Variants in PITPNM3 observed in about 807,000 individuals in gnomAD.
PITPNM3 encodes PITPNM family member 3, also known as membrane-associated phosphatidylinositol transfer protein 3.
A neutral mutation model predicts 102.0 loss-of-function variants in PITPNM3; 26 were observed. The observed-to-expected ratio is 0.25, with a 90% CI of 0.19 to 0.35. The LOEUF is 0.35. Ranked by LOEUF, PITPNM3 falls within the 10% of genes least tolerant of loss-of-function variation. The probability of loss-of-function intolerance (pLI) is 1.00; values close to 1 mark genes in which losing one functional copy is unlikely to be tolerated. For missense variants in PITPNM3, 1,083 were observed against 1,346.1 expected, an observed-to-expected ratio of 0.80 and a Z score of 3.06; for synonymous variants, 578 against 558.6, an observed-to-expected ratio of 1.03 and a Z score of -0.49.
chr17:6,462,648 T>G (rs1904525014), intron 17 of PITPNM3, among the ~76,000 whole-genome samples: 1 of 152,186 alleles, frequency 6.6e-6, no homozygotes, highest in Non-Finnish European at 1.5e-5. Flanking sequence ...CTGCAAGATG[T>G]CAGGTAAGCC....
At chr17:6,500,506 C>T (rs1363637593) in intron 4 of PITPNM3, among the ~76,000 whole-genome samples, 1 of 152,134 alleles carries the variant, frequency 6.6e-6, no homozygotes, top group Non-Finnish European at 1.5e-5. Flanking sequence ...GGAGTCCTCT[C>T]AATTGAATGC....
chr17:6,484,086 G>A, intron 5 of PITPNM3, 130 bp downstream of exon 5: 1 of 1,066,630 alleles, frequency 9.4e-7, no homozygotes, highest in East Asian at 2.4e-5. Flanking sequence ...GAAGGACACA[G>A]ACCCACCCAG....
Position 6,556,472 on chromosome 17 carries a change from C to T in PITPNM3, c.-66G>A, listed in dbSNP as rs1910621675. ...CGCGCTTCCCGGGCCCGGCCCCGAC[C>T]GCCTCCGGCCCCGAACGGACTCCGA... On this transcript the variant is annotated 5_prime_UTR_variant, in exon 1 of 20. Coordinates refer to ENST00000262483, the MANE Select transcript of PITPNM3 (RefSeq NM_031220.4). The surrounding 1 kb of genome is among the most constrained non-coding windows in gnomAD (Gnocchi z 5.2). The T allele has an allele frequency of 9.1e-6, 10 of 1,093,054 alleles. No homozygotes were observed. The highest frequency in any genetic ancestry group is 1.1e-5 in the Non-Finnish European group (10 of 899,194). 67.7% of individuals were successfully genotyped at this position (1,093,054 alleles called of 1,614,324 possible). A position where few individuals can be genotyped will look rare whatever the true frequency, so the allele number is the denominator to read the frequency against.
At chr17:6,526,161 C>T (rs1908823010) in intron 2 of PITPNM3, among the ~76,000 whole-genome samples, 1 of 152,156 alleles carries the variant, frequency 6.6e-6, no homozygotes, top group African/African-American at 2.4e-5. Context: ...TCCCCTCAAC[C>T]CTGTCTCTAT....
intron 17 of PITPNM3, among the ~76,000 whole-genome samples, chr17:6,462,080 A>C (rs1904489390): frequency 6.6e-6 from 1 of 152,034 alleles, no homozygotes; most frequent in Non-Finnish European, 1.5e-5. Flanking sequence ...CAGATTACTC[A>C]ACCCTCCCCA....
At chr17:6,529,787 G>C (rs1909039648) in intron 2 of PITPNM3, among the ~76,000 whole-genome samples, 1 of 152,156 alleles carries the variant, frequency 6.6e-6, no homozygotes, top group Non-Finnish European at 1.5e-5. Flanking sequence ...CATTCACCTT[G>C]CACTGCCTAC....
rs1322316781 is a variant in PITPNM3, at chr17:6,472,571, C to G, written c.1429+86G>C. 2.7e-6 allele frequency: 4 copies of G among 1,481,568 alleles called. No homozygotes were observed. The highest frequency in any genetic ancestry group is 3.7e-6 in the Non-Finnish European group (4 of 1,083,828). 91.8% of individuals were successfully genotyped at this position (1,481,568 alleles called of 1,614,324 possible). A position where few individuals can be genotyped will look rare whatever the true frequency, so the allele number is the denominator to read the frequency against. ...CACAGCCCCTGCTCAGGTGAGTCAC[C>G]CTACTCACTGAGAGCTTGGAGGGGT... On this transcript the variant is annotated intron_variant, in intron 11 of 19. Transcript: ENST00000262483. This position sits in a 1 kb window ranked among gnomAD's most constrained non-coding sequence, Gnocchi z 4.1.
At position 6,462,482 on chromosome 17, in the gene PITPNM3, C is replaced by T. The variant is rs140140668; in HGVS notation, c.2307-926G>A. On this transcript the variant is annotated intron_variant, in intron 17 of 19. Coordinates refer to ENST00000262483, the MANE Select transcript of PITPNM3 (RefSeq NM_031220.4). Reference sequence around the variant, plus strand: ...ACAGCACTCCCCTACACAGCCCCTACGGCACCATCTCCTGATATTCCCATC... The same window carrying T: ...ACAGCACTCCCCTACACAGCCCCTATGGCACCATCTCCTGATATTCCCATC... Among the ~76,000 whole-genome samples, 63 of 152,310 alleles carry T rather than the reference C, an allele frequency of 4.1e-4. No homozygotes were observed. In the Middle Eastern group the frequency reaches 0.02, roughly 49 times the overall value.
chr17:6,529,114 A>C (rs1197390156), intron 2 of PITPNM3, among the ~76,000 whole-genome samples: 7 of 152,158 alleles, frequency 4.6e-5, no homozygotes, highest in Non-Finnish European at 8.8e-5. Flanking sequence ...AGCTCTGATT[A>C]AGCTCCAAGC....
At chr17:6,528,558 TGTGA>T (rs944350778) in intron 2 of PITPNM3, among the ~76,000 whole-genome samples, 105 of 152,204 alleles carry the variant, frequency 6.9e-4, no homozygotes, top group African/African-American at 2.2e-3. Context: ...TACATGCATG[TGTGA>T]GTATGTGCAT....
chr17:6,520,650 G>A (rs1362279247), intron 3 of PITPNM3, among the ~76,000 whole-genome samples: 1 of 152,206 alleles, frequency 6.6e-6, no homozygotes, highest in African/African-American at 2.4e-5. Flanking sequence ...TTTTTCCAAT[G>A]AGAATACATT....
intron 3 of PITPNM3, among the ~76,000 whole-genome samples, chr17:6,520,604 C>T (rs377528535): frequency 6.6e-6 from 1 of 152,186 alleles, no homozygotes; most frequent in East Asian, 1.9e-4. Flanking sequence ...GAAGGAATAA[C>T]TAAAGGAGAC....
intron 3 of PITPNM3, among the ~76,000 whole-genome samples, chr17:6,508,048 TGCTGGGGTTGCTGGGGATGCA>T (rs904414653): frequency 1.3e-5 from 2 of 150,306 alleles, no homozygotes; most frequent in Non-Finnish European, 3.0e-5. Flanking sequence ...ATGCTGGGGT[TGCTGGGGTTGCTGGGGATGCA>T]GCTGGGGTTG....
Position 6,468,382 on chromosome 17 carries a change from C to T in PITPNM3, c.1774-41G>A. The T allele has an allele frequency of 6.3e-7, 1 of 1,592,796 alleles. No homozygotes were observed. Among genetic ancestry groups the T allele is most frequent in the South Asian group, 1.1e-5 (1 of 90,646 alleles). On this transcript the variant is annotated intron_variant, in intron 13 of 19. Coordinates refer to ENST00000262483, the MANE Select transcript of PITPNM3 (RefSeq NM_031220.4). This position sits in a 1 kb window ranked among gnomAD's most constrained non-coding sequence, Gnocchi z 5.2. ...GCAGGGCCCCGGTCAGGTCTTCTGG[C>T]TTCTCTGCTTCCCTCCCAGGGTGTC...
At chr17:6,463,518 G>T (rs1904600145) in intron 17 of PITPNM3, among the ~76,000 whole-genome samples, 1 of 140,464 alleles carries the variant, frequency 7.1e-6, no homozygotes, top group Admixed American at 7.3e-5. Flanking sequence ...AGGGAGAGAG[G>T]AAGAAACAGA....
intron 4 of PITPNM3, among the ~76,000 whole-genome samples, chr17:6,497,506 G>A (rs1379411471): frequency 2.0e-5 from 3 of 152,196 alleles, no homozygotes; most frequent in Non-Finnish European, 4.4e-5. Flanking sequence ...CTCAGTAGAG[G>A]ATGAAGATAA....
rs1597376198 is a variant in PITPNM3 at position 6,483,769 on chromosome 17, T to G, written c.352-17A>C. The G allele has an allele frequency of 3.7e-6, 6 of 1,607,202 alleles. No individual in the cohort carries two copies. The highest frequency in any genetic ancestry group is 5.1e-6 in the Non-Finnish European group (6 of 1,178,886). ...GCAGCCTTCCTGAGAGCCAAGGCGG[T>G]TGGAATACAGAGAGAGAGGCGGCTG... is the stretch of plus-strand genomic sequence containing the variant. On this transcript the variant is annotated splice_polypyrimidine_tract_variant and intron_variant, in intron 5 of 19. Coordinates refer to ENST00000262483, the MANE Select transcript of PITPNM3 (RefSeq NM_031220.4).
chr17:6,541,475 A>T (rs1291205827), intron 1 of PITPNM3, among the ~76,000 whole-genome samples: 1 of 152,066 alleles, frequency 6.6e-6, no homozygotes, highest in Admixed American at 6.5e-5. Flanking sequence ...CCAATGATTG[A>T]AGGGGGACAG....
intron 3 of PITPNM3, among the ~76,000 whole-genome samples, chr17:6,520,920 G>A (rs1031846393): frequency 1.3e-5 from 2 of 152,164 alleles, no homozygotes; most frequent in Non-Finnish European, 2.9e-5. Context: ...ACATATGTAG[G>A]GTACCTAGAG....
Sources: allele counts gnomAD v4.1 joint callset (sites outside exome capture counted in the v4.1 genomes callset), GRCh38; gene constraint gnomAD v4.1.1; non-coding constraint Gnocchi (gnomAD v3.1); transcripts MANE v1.5; gene names NCBI Gene and HGNC (gene_info 2026-07-23, HGNC 2026-07-21).